FST: variants seen among roughly 807,000 people sequenced by gnomAD.
FST encodes the protein activin-binding protein.
In FST, 6 loss-of-function variants were observed where a neutral mutation model predicts 38.4. The observed-to-expected ratio is 0.16, with a 90% CI of 0.09 to 0.31. FST has a LOEUF of 0.31. Ranked by LOEUF, FST falls within the 10% of genes least tolerant of loss-of-function variation. The probability of loss-of-function intolerance (pLI) is 1.00; values close to 1 mark genes in which losing one functional copy is unlikely to be tolerated. For missense variants in FST, 301 were observed against 432.3 expected (o/e 0.70, Z 2.69); for synonymous variants, 157 against 169.8 (o/e 0.92, Z 0.59).
Position 53,483,853 on chromosome 5 carries a change from ACCAAATAAAGGAGT to A in FST, c.496+134_496+147del. On this transcript the variant is annotated intron_variant, in intron 3 of 5. Coordinates refer to ENST00000256759, the MANE Select transcript of FST (RefSeq NM_013409.3). This position sits in a 1 kb window ranked among gnomAD's most constrained non-coding sequence, Gnocchi z 4.1. ...AGAGCCTGATAATAGTAATACTGAAACCAAATAAAGGAGTCCTTTTCTAACCTCTAGAGATTCAT... is the reference window on the plus strand; with the variant it reads ...AGAGCCTGATAATAGTAATACTGAAACCTTTTCTAACCTCTAGAGATTCAT... 1 of 726,218 alleles carries A rather than the reference ACCAAATAAAGGAGT, an allele frequency of 1.4e-6. No homozygotes were observed. The highest frequency in any genetic ancestry group is 2.8e-5 in the Admixed American group (1 of 35,728). 45.0% of individuals were successfully genotyped at this position (726,218 alleles called of 1,614,324 possible).
In FST at chr5:53,485,109, G is replaced by A. The variant is rs1359694634; in HGVS notation, c.834G>A (p.Lys278=). The A allele has an allele frequency of 6.2e-7, 1 of 1,612,244 alleles. No individual in the cohort carries two copies. The highest frequency in any genetic ancestry group is 2.2e-5 in the East Asian group (1 of 44,888). The change falls in exon 5 of 6, where the codon AAG becomes AAA. Residue 278 remains lysine (K), a synonymous_variant. Transcript: ENST00000256759. ...GTGATGAGCTGTGCCCTGACAGTAA[G>A]TCGGATGAGCCTGTCTGTGCCAGTG... The part of the protein sequence containing the change: ...SLCDELCPDS[K]SDEPVCASDN...
rs1312263355 is a variant in FST, at chr5:53,482,905, G to C, written c.111G>C (p.Ala37=). ...CTGGGAACTGCTGGCTCCGTCAAGC[G>C]AAGAACGGCCGCTGCCAGGTCCTGT... ...AQAGNCWLRQ[A]KNGRCQVLYK... Residue 37 remains alanine, a synonymous_variant, in exon 2 of 6, where the codon GCG becomes GCC. Transcript: ENST00000256759. 6.2e-7 allele frequency: 1 copy of C among 1,609,998 alleles called. No homozygotes were observed. The highest frequency in any genetic ancestry group is 2.2e-5 in the East Asian group (1 of 44,732).
At chr5:53,481,482 A>AAAAAAAAAAAAAAC (rs1441220505) in intron 1 of FST, among the ~76,000 whole-genome samples, 3 of 150,296 alleles carry the variant, frequency 2.0e-5, no homozygotes, top group Admixed American at 6.6e-5. Flanking sequence ...AAAAAAAAAA[A>AAAAAAAAAAAAAAC]AAAAGCCAAA....
rs1206632391 is a variant in FST at position 53,486,838 on chromosome 5, C to G, written c.*805C>G. Reference sequence around the variant, plus strand: ...GGATGTTGAAGGCTACACATTCAACCTTTTGTTAGGTGTTTCCTTTAAGCT... The same window carrying G: ...GGATGTTGAAGGCTACACATTCAACGTTTTGTTAGGTGTTTCCTTTAAGCT... On this transcript the variant is annotated 3_prime_UTR_variant, in exon 6 of 6. Transcript: ENST00000256759. 1 of 152,090 alleles carries G rather than the reference C, an allele frequency of 6.6e-6. No homozygotes were observed. Among genetic ancestry groups the G allele is most frequent in the Non-Finnish European group, 1.5e-5 (1 of 68,020 alleles). 9.4% of individuals were successfully genotyped at this position (152,090 alleles called of 1,614,324 possible).
Position 53,482,965 on chromosome 5 carries a change from C to G in FST, c.171C>G (p.Ser57Arg). ...AACTGAGCAAGGAGGAGTGCTGCAGCACCGGCCGGCTGAGCACCTCGTGGA... is the reference window on the plus strand; with the variant it reads ...AACTGAGCAAGGAGGAGTGCTGCAGGACCGGCCGGCTGAGCACCTCGTGGA... ...KTELSKEECC[S>R]TGRLSTSWTE... The change falls in exon 2 of 6, where the codon AGC becomes AGG. Residue 57 changes from serine to arginine, a missense_variant. Ser to Arg is a moderately radical substitution (Grantham distance 110, BLOSUM62 -1). Transcript: ENST00000256759. 1 of 1,612,988 alleles carries G rather than the reference C, an allele frequency of 6.2e-7. No homozygotes were observed. The highest frequency in any genetic ancestry group is 8.5e-7 in the Non-Finnish European group (1 of 1,178,944).
rs1747343849 is a variant in FST at position 53,483,144 on chromosome 5, CTG to C, written c.277+74_277+75del. 1.2e-5 allele frequency: 13 copies of C among 1,043,784 alleles called. No homozygotes were observed. The highest frequency in any genetic ancestry group is 1.9e-5 in the Non-Finnish European group (13 of 683,808). The allele number at this position is 1,043,784 out of a possible 1,614,324, so 64.7% of individuals were successfully genotyped here. ...TACCCTTAGCTTCCCCACTACCTGA[CTG>C]GGGTTTGGGAGTAGGAGAGCTTTGT... On this transcript the variant is annotated intron_variant, in intron 2 of 5. Coordinates refer to ENST00000256759, the MANE Select transcript of FST (RefSeq NM_013409.3). This position sits in a 1 kb window ranked among gnomAD's most constrained non-coding sequence, Gnocchi z 4.1.
chr5:53,485,996 A>T lies in FST; in HGVS notation c.998A>T (p.Asp333Val), dbSNP rs1324948401. The change falls in exon 6 of 6, where the codon GAC becomes GTC. Residue 333 changes from aspartate (D) to valine (V), a missense_variant. Asp to Val is a radical substitution (Grantham distance 152). Coordinates refer to ENST00000256759, the MANE Select transcript of FST (RefSeq NM_013409.3). ...TEEEEEDEDQDYSFPISSILE... is the reference protein window; with the variant it reads ...TEEEEEDEDQVYSFPISSILE... ...GAAGAGGAGGAAGATGAAGACCAGG[A>T]CTACAGCTTTCCTATATCTTCTATT... 1 of 1,604,128 alleles carries T rather than the reference A, an allele frequency of 6.2e-7. No homozygotes were observed. The highest frequency in any genetic ancestry group is 1.7e-5 in the Admixed American group (1 of 58,420).
rs1561300491 is a variant in FST at position 53,486,071 on chromosome 5, GCAAAA to G, written c.*39_*43del. On this transcript the variant is annotated 3_prime_UTR_variant, in exon 6 of 6. Transcript: ENST00000256759. ...TGTTCAGTGTTGACATAGCCTTTGT[GCAAAA>G]AAAAAAAAAAAAAAAAAGAAAAAGA... 4.4e-4 allele frequency: 132 copies of G among 301,080 alleles called. No homozygotes were observed. The highest frequency in any genetic ancestry group is 1.5e-3 in the South Asian group (18 of 12,160). The allele number at this position is 301,080 out of a possible 1,614,324, so 18.7% of individuals were successfully genotyped here. A position where few individuals can be genotyped will look rare whatever the true frequency, so the allele number is the denominator to read the frequency against.
rs142670747 is a variant in FST, at chr5:53,485,119, C to G, written c.844C>G (p.Pro282Ala). The change falls in exon 5 of 6, where the codon CCT (proline) becomes GCT (alanine). Residue 282 changes from proline (P) to alanine (A), a missense_variant. Pro to Ala is a conservative substitution (Grantham distance 27). Coordinates refer to ENST00000256759, the MANE Select transcript of FST (RefSeq NM_013409.3). Reference sequence around the variant, plus strand: ...GTGCCCTGACAGTAAGTCGGATGAGCCTGTCTGTGCCAGTGACAATGCCAC... The same window carrying G: ...GTGCCCTGACAGTAAGTCGGATGAGGCTGTCTGTGCCAGTGACAATGCCAC... ...ELCPDSKSDE[P>A]VCASDNATYA... 9.3e-6 allele frequency: 15 copies of G among 1,611,870 alleles called. No homozygotes were observed. The highest frequency in any genetic ancestry group is 1.3e-5 in the Non-Finnish European group (15 of 1,178,084).
intron 5 of FST, chr5:53,485,747 A>G: frequency 6.2e-7 from 1 of 1,602,238 alleles, no homozygotes; most frequent in African/African-American, 1.4e-5. Context: ...TTTTGACTTC[A>G]TAGATTATGC....
rs3083659 is a variant in FST at position 53,486,072 on chromosome 5, C to CAAAAAAAAAAAAAAAAAAAA, written c.*41_*60dup. ...GTTCAGTGTTGACATAGCCTTTGTGCAAAAAAAAAAAAAAAAAAAAAGAAA... is the reference window on the plus strand; with the variant it reads ...GTTCAGTGTTGACATAGCCTTTGTGCAAAAAAAAAAAAAAAAAAAAAAAAAAAAAAAAAAAAAAAAAGAAA... On this transcript the variant is annotated 3_prime_UTR_variant, in exon 6 of 6. Transcript: ENST00000256759. 4.4e-6 allele frequency: 1 copy of CAAAAAAAAAAAAAAAAAAAA among 227,264 alleles called. No individual in the cohort carries two copies. Among genetic ancestry groups the CAAAAAAAAAAAAAAAAAAAA allele is most frequent in the African/African-American group, 4.8e-5 (1 of 21,002 alleles). 14.1% of individuals were successfully genotyped at this position (227,264 alleles called of 1,614,324 possible).
chr5:53,483,101 C>G lies in FST; in HGVS notation c.277+30C>G, dbSNP rs777145527. Reference sequence around the variant, plus strand: ...GACTCCTTCTTCCCAACTTGCAGGCCCTCAGTAGAGGGCGTCTTACCCTTA... The same window carrying G: ...GACTCCTTCTTCCCAACTTGCAGGCGCTCAGTAGAGGGCGTCTTACCCTTA... On this transcript the variant is annotated intron_variant, in intron 2 of 5. Coordinates refer to ENST00000256759, the MANE Select transcript of FST (RefSeq NM_013409.3). This position sits in a 1 kb window ranked among gnomAD's most constrained non-coding sequence, Gnocchi z 4.1. 2 of 1,513,146 alleles carry G rather than the reference C, an allele frequency of 1.3e-6. No individual in the cohort carries two copies. The highest frequency in any genetic ancestry group is 4.5e-5 in the East Asian group (2 of 44,382). 93.7% of individuals were successfully genotyped at this position (1,513,146 alleles called of 1,614,324 possible).
Position 53,483,389 on chromosome 5 carries a change from G to GC in FST, c.278-111dup, listed in dbSNP as rs1394040531. Reference sequence around the variant, plus strand: ...CCAATATTCCAGGAGAGAGCCTGGGGCCCCTCCAGCGCAAACTCAGGGCTG... The same window carrying GC: ...CCAATATTCCAGGAGAGAGCCTGGGGCCCCCTCCAGCGCAAACTCAGGGCTG... On this transcript the variant is annotated intron_variant, in intron 2 of 5. Coordinates refer to ENST00000256759, the MANE Select transcript of FST (RefSeq NM_013409.3). This position sits in a 1 kb window ranked among gnomAD's most constrained non-coding sequence, Gnocchi z 4.1. The GC allele has an allele frequency of 3.9e-6, 3 of 772,176 alleles. No homozygotes were observed. In the Admixed American group the frequency reaches 7.0e-5, roughly 18 times the overall value. The allele number at this position is 772,176 out of a possible 1,614,324, so 47.8% of individuals were successfully genotyped here.
rs2112345295 is a variant in FST, at chr5:53,485,136, C to T, written c.861C>T (p.Asp287=). Residue 287 remains aspartate (D), a synonymous_variant, in exon 5 of 6, where the codon GAC becomes GAT. Transcript: ENST00000256759. The stretch of plus-strand genomic sequence containing the variant: ...CGGATGAGCCTGTCTGTGCCAGTGA[C>T]AATGCCACTTATGCCAGCGAGTGTG... ...SKSDEPVCAS[D]NATYASECAM... is the part of the protein sequence containing the mutation. The T allele has an allele frequency of 6.2e-7, 1 of 1,613,468 alleles. No individual in the cohort carries two copies. The highest frequency in any genetic ancestry group is 8.5e-7 in the Non-Finnish European group (1 of 1,179,410).
At chr5:53,481,659 GT>G (rs1747222733) in intron 1 of FST, among the ~76,000 whole-genome samples, 1 of 151,802 alleles carries the variant, frequency 6.6e-6, no homozygotes. Flanking sequence ...AAATAGATTT[GT>G]TTATTTCAAT....
chr5:53,483,039 A>G lies in FST; in HGVS notation c.245A>G (p.Asn82Ser). 6.2e-7 allele frequency: 1 copy of G among 1,613,892 alleles called. No homozygotes were observed. The highest frequency in any genetic ancestry group is 1.1e-5 in the South Asian group (1 of 91,062). The change falls in exon 2 of 6, where the codon AAC (asparagine) becomes AGC (serine). Residue 82 changes from asparagine to serine, a missense_variant. By Grantham distance (46) the Asn-to-Ser change is conservative. Transcript: ENST00000256759. This position sits in a 1 kb window ranked among gnomAD's most constrained non-coding sequence, Gnocchi z 4.1. Reference protein sequence around the residue: ...DNTLFKWMIFNGGAPNCIPCK... With the variant: ...DNTLFKWMIFSGGAPNCIPCK... Reference sequence around the variant, plus strand: ...ACACTCTTCAAGTGGATGATTTTCAACGGGGGCGCCCCCAACTGCATCCCC... The same window carrying G: ...ACACTCTTCAAGTGGATGATTTTCAGCGGGGGCGCCCCCAACTGCATCCCC...
Position 53,483,769 on chromosome 5 carries a change from G to A in FST, c.496+47G>A, listed in dbSNP as rs2112339751. 1 of 1,396,974 alleles carries A rather than the reference G, an allele frequency of 7.2e-7. No homozygotes were observed. The highest frequency in any genetic ancestry group is 1.0e-6 in the Non-Finnish European group (1 of 987,034). 86.5% of individuals were successfully genotyped at this position (1,396,974 alleles called of 1,614,324 possible). On this transcript the variant is annotated intron_variant, in intron 3 of 5. Coordinates refer to ENST00000256759, the MANE Select transcript of FST (RefSeq NM_013409.3). This position sits in a 1 kb window ranked among gnomAD's most constrained non-coding sequence, Gnocchi z 4.1. ...AAGACTGGATCTGTCCCCTCCTCCA[G>A]CTTTGTACCTAAAGTAGACCCTCTA...
Position 53,483,910 on chromosome 5 carries a change from C to A in FST, c.497-159C>A, listed in dbSNP as rs1579766010. Reference sequence around the variant, plus strand: ...AGATTCATTAAGAACACTGAGGGGACCAACCTAGTCATAGATTCTCTCTTG... The same window carrying A: ...AGATTCATTAAGAACACTGAGGGGAACAACCTAGTCATAGATTCTCTCTTG... On this transcript the variant is annotated intron_variant, in intron 3 of 5. Transcript: ENST00000256759. This position sits in a 1 kb window ranked among gnomAD's most constrained non-coding sequence, Gnocchi z 4.1. Among the ~76,000 whole-genome samples, 1 of 152,178 alleles carries A rather than the reference C, an allele frequency of 6.6e-6. No individual in the cohort carries two copies. Among genetic ancestry groups the A allele is most frequent in the Admixed American group, 6.5e-5 (1 of 15,284 alleles).
intron 1 of FST, among the ~76,000 whole-genome samples, chr5:53,481,194 G>A (rs1010985617): frequency 1.5e-4 from 23 of 151,646 alleles, no homozygotes; most frequent in African/African-American, 5.1e-4. Context: ...AAGGGAACAA[G>A]TATCAGTAGT....
Sources: gnomAD v4.1 joint callset for allele counts (sites outside exome capture counted in the v4.1 genomes callset) on GRCh38, gnomAD v4.1.1 for gene constraint, Gnocchi (gnomAD v3.1) non-coding constraint, MANE v1.5 for transcripts, NCBI Gene and HGNC (gene_info 2026-07-23, HGNC 2026-07-21) for gene names.